SAP130: variants seen among roughly 807,000 people sequenced by gnomAD.
The protein encoded by SAP130 is Sin3A associated protein 130, also known as histone deacetylase complex subunit SAP130.
In SAP130, 16 loss-of-function variants were observed where a neutral mutation model predicts 103.2. The observed-to-expected ratio is 0.16, with a 90% CI of 0.10 to 0.24. SAP130 has a LOEUF of 0.24. Among genes scored for constraint, SAP130 ranks in the 10% least tolerant of loss-of-function variants. The probability of loss-of-function intolerance (pLI) is 1.00; values close to 1 mark genes in which losing one functional copy is unlikely to be tolerated. For missense variants in SAP130, 990 were observed against 1,359.7 expected (o/e 0.73, Z 4.28); for synonymous variants, 477 against 497.0 (o/e 0.96, Z 0.53).
chr2:127,941,957 CA>C lies in SAP130; in HGVS notation c.*48del. 1 of 356,798 alleles carries C rather than the reference CA, an allele frequency of 2.8e-6. No individual in the cohort carries two copies. The highest frequency in any genetic ancestry group is 2.1e-5 in the South Asian group (1 of 48,464). The allele number at this position is 356,798 out of a possible 1,614,324, so 22.1% of individuals were successfully genotyped here. A position where few individuals can be genotyped will look rare whatever the true frequency, so the allele number is the denominator to read the frequency against. On this transcript the variant is annotated 3_prime_UTR_variant, in exon 21 of 21. Transcript: ENST00000643581. ...AAAACCAAAACCCTCCCCCCACCCC[CA>C]CCATCATTCTTCATAAATTTGCTTC...
At chr2:127,977,771 A>G (rs1055461161) in intron 15 of SAP130, among the ~76,000 whole-genome samples, 3 of 152,144 alleles carry the variant, frequency 2.0e-5, no homozygotes, top group African/African-American at 7.2e-5. Context: ...CTATAGTCCC[A>G]GCTACTCAAG....
intron 19 of SAP130, among the ~76,000 whole-genome samples, chr2:127,944,039 C>T (rs1443007108): frequency 6.6e-6 from 1 of 151,952 alleles, no homozygotes; most frequent in Non-Finnish European, 1.5e-5. Flanking sequence ...ACTTTGTTTT[C>T]TTCCTTTTTT....
intron 12 of SAP130, among the ~76,000 whole-genome samples, chr2:127,991,180 G>A (rs1682771022): frequency 6.6e-6 from 1 of 151,800 alleles, no homozygotes; most frequent in Admixed American, 6.6e-5. Flanking sequence ...AAGCTGGGAG[G>A]TGGAGGTTGC....
At chr2:128,010,158 TAAA>T in intron 7 of SAP130, 108 bp downstream of exon 7, 1 of 965,672 alleles carries the variant, frequency 1.0e-6, no homozygotes, top group Non-Finnish European at 1.4e-6. Flanking sequence ...TAGCTCATTA[TAAA>T]AAAAAAAAGC....
At chr2:128,021,774 C>T (rs1685178967) in intron 2 of SAP130, among the ~76,000 whole-genome samples, 1 of 132,848 alleles carries the variant, frequency 7.5e-6, no homozygotes, top group South Asian at 2.3e-4. Context: ...TGCTCCTCTT[C>T]CTTACTCATT....
chr2:128,019,681 T>C (rs1685022280), intron 2 of SAP130, among the ~76,000 whole-genome samples: 3 of 151,850 alleles, frequency 2.0e-5, no homozygotes, highest in Non-Finnish European at 4.4e-5. Flanking sequence ...AGGTCAGGAG[T>C]TCGAGATCAG....
At chr2:127,999,933 A>G in intron 9 of SAP130, 88 bp from the exon 10 acceptor site, 1 of 1,438,310 alleles carries the variant, frequency 7.0e-7, no homozygotes, top group South Asian at 1.2e-5. Context: ...TCTCCTGGAA[A>G]AAGTTAAGAG....
chr2:127,958,282 C>T (rs114642707), intron 15 of SAP130, among the ~76,000 whole-genome samples: 4,232 of 152,244 alleles, frequency 0.028, 178 homozygotes, highest in African/African-American at 0.093. Flanking sequence ...GGCGCAGTGG[C>T]GAGCGCCTGT....
At position 127,941,861 on chromosome 2, in the gene SAP130, T is replaced by C; in HGVS notation, c.*145A>G. Reference sequence around the variant, plus strand: ...GCTCTGATCCTTTCACGCCCTTGGATGTCATGGGTTCCTCTGCTTTCACAC... The same window carrying C: ...GCTCTGATCCTTTCACGCCCTTGGACGTCATGGGTTCCTCTGCTTTCACAC... On this transcript the variant is annotated 3_prime_UTR_variant, in exon 21 of 21. Transcript: ENST00000643581. 1.4e-6 allele frequency: 1 copy of C among 740,736 alleles called. No individual in the cohort carries two copies. Among genetic ancestry groups the C allele is most frequent in the Non-Finnish European group, 2.2e-6 (1 of 448,276 alleles). The allele number at this position is 740,736 out of a possible 1,614,324, so 45.9% of individuals were successfully genotyped here. A position where few individuals can be genotyped will look rare whatever the true frequency, so the allele number is the denominator to read the frequency against.
Position 127,941,834 on chromosome 2 carries a change from C to T in SAP130, c.*172G>A. 1 of 625,344 alleles carries T rather than the reference C, an allele frequency of 1.6e-6. No homozygotes were observed. The highest frequency in any genetic ancestry group is 2.7e-6 in the Non-Finnish European group (1 of 365,424). 38.7% of individuals were successfully genotyped at this position (625,344 alleles called of 1,614,324 possible). ...AAGAAGGCAGCTCACTATGTCCAGT[C>T]AGCTCTGATCCTTTCACGCCCTTGG... On this transcript the variant is annotated 3_prime_UTR_variant, in exon 21 of 21. Transcript: ENST00000643581.
At position 128,000,448 on chromosome 2, in the gene SAP130, T is replaced by C. The variant is rs1239179845; in HGVS notation, c.876A>G (p.Pro292=). The change falls in exon 8 of 21, where the codon CCA becomes CCG. Residue 292 remains proline, a synonymous_variant. Coordinates refer to ENST00000643581, the MANE Select transcript of SAP130 (RefSeq NM_001330301.2). ...AHATDSALSR[P]TLSIQHPPSA... ...ATGGAGGATGCTGGATAGACAAGGT[T>C]GGCCTACTGAAAAGATAACAAAGAC... The C allele has an allele frequency of 6.2e-7, 1 of 1,614,130 alleles. No individual in the cohort carries two copies. The highest frequency in any genetic ancestry group is 8.5e-7 in the Non-Finnish European group (1 of 1,180,004).
Position 127,955,444 on chromosome 2 carries a change from G to T in SAP130, c.2064-100C>A. 1 of 740,640 alleles carries T rather than the reference G, an allele frequency of 1.4e-6. No individual in the cohort carries two copies. Among genetic ancestry groups the T allele is most frequent in the Non-Finnish European group, 2.2e-6 (1 of 457,260 alleles). The allele number at this position is 740,640 out of a possible 1,614,324, so 45.9% of individuals were successfully genotyped here. A position where few individuals can be genotyped will look rare whatever the true frequency, so the allele number is the denominator to read the frequency against. The stretch of plus-strand genomic sequence containing the variant: ...GTATTTGTCCAATTATTTCTGTCCA[G>T]CACACTGCACAATTTATACTCTATT... On this transcript the variant is annotated intron_variant, in intron 15 of 20. Transcript: ENST00000643581. This position sits in a 1 kb window ranked among gnomAD's most constrained non-coding sequence, Gnocchi z 4.9.
intron 15 of SAP130, among the ~76,000 whole-genome samples, chr2:127,970,640 T>C (rs138619240): frequency 3.5e-4 from 53 of 150,574 alleles, no homozygotes; most frequent in African/African-American, 1.3e-3. Context: ...CACTTGAGCC[T>C]AGATCACACC....
rs1559037548 is a variant in SAP130 at position 127,955,362 on chromosome 2, AGC to A, written c.2064-20_2064-19del. The A allele has an allele frequency of 6.6e-7, 1 of 1,509,044 alleles. No individual in the cohort carries two copies. The highest frequency in any genetic ancestry group is 2.3e-5 in the East Asian group (1 of 43,830). 93.5% of individuals were successfully genotyped at this position (1,509,044 alleles called of 1,614,324 possible). On this transcript the variant is annotated intron_variant, in intron 15 of 20. Transcript: ENST00000643581. The surrounding 1 kb of genome is among the most constrained non-coding windows in gnomAD (Gnocchi z 4.9). ...GTTTGGCACTAAAACACAAAAGAAA[AGC>A]ACATGTAGCAAATAAGAAAAAAACT... is the stretch of plus-strand genomic sequence containing the variant.
chr2:127,942,548 C>T lies in SAP130; in HGVS notation c.2902-11G>A. 2 of 1,484,824 alleles carry T rather than the reference C, an allele frequency of 1.3e-6. No individual in the cohort carries two copies. Among genetic ancestry groups the T allele is most frequent in the South Asian group, 1.1e-5 (1 of 88,220 alleles). 92.0% of individuals were successfully genotyped at this position (1,484,824 alleles called of 1,614,324 possible). Reference sequence around the variant, plus strand: ...ATGTTCTAGATTCGTCTGCAACACACAAAAGGGAGGGTATCATAAGCTCGG... The same window carrying T: ...ATGTTCTAGATTCGTCTGCAACACATAAAAGGGAGGGTATCATAAGCTCGG... On this transcript the variant is annotated splice_polypyrimidine_tract_variant and intron_variant, in intron 19 of 20. Coordinates refer to ENST00000643581, the MANE Select transcript of SAP130 (RefSeq NM_001330301.2). This position sits in a 1 kb window ranked among gnomAD's most constrained non-coding sequence, Gnocchi z 4.8.
Position 127,989,273 on chromosome 2 carries a change from G to T in SAP130, c.1780+291C>A, listed in dbSNP as rs1430690084. On this transcript the variant is annotated intron_variant, in intron 13 of 20. Coordinates refer to ENST00000643581, the MANE Select transcript of SAP130 (RefSeq NM_001330301.2). The surrounding 1 kb of genome is among the most constrained non-coding windows in gnomAD (Gnocchi z 4.6). ...GCCACCACGCCTGGCTAATTTTTTT[G>T]TATTTTTAGTAGACAGGGTTTTACC... is the stretch of plus-strand genomic sequence containing the variant. 2.0e-5 allele frequency among the ~76,000 whole-genome samples: 3 copies of T among 151,586 alleles called. No individual in the cohort carries two copies. Among genetic ancestry groups the T allele is most frequent in the African/African-American group, 4.9e-5 (2 of 41,222 alleles).
At position 127,986,816 on chromosome 2, in the gene SAP130, T is replaced by C. The variant is rs1682432119; in HGVS notation, c.1927A>G (p.Ser643Gly). Residue 643 changes from serine to glycine, a missense_variant, in exon 14 of 21, where the codon AGC becomes GGC. This residue lies in a region of SAP130 where 349 missense variants were observed against 384.1 expected (regional missense o/e 0.91). Transcript: ENST00000643581. This position sits in a 1 kb window ranked among gnomAD's most constrained non-coding sequence, Gnocchi z 4.7. ...APAQGSSPRPSILRKKPATDG... is the reference protein window; with the variant it reads ...APAQGSSPRPGILRKKPATDG... ...GTGGCAGGTTTCTTCCGGAGTATGC[T>C]TGGCCGTGGCGATGAGCCCTGGGCG... 5 of 1,614,178 alleles carry C rather than the reference T, an allele frequency of 3.1e-6. No individual in the cohort carries two copies. The highest frequency in any genetic ancestry group is 2.2e-5 in the South Asian group (2 of 91,074).
chr2:128,014,006 A>G (rs1684582236), intron 5 of SAP130, among the ~76,000 whole-genome samples: 1 of 152,232 alleles, frequency 6.6e-6, no homozygotes, highest in South Asian at 2.1e-4. Context: ...TGACTTATGT[A>G]TTAAAAATAA....
At chr2:128,026,394 T>C in intron 1 of SAP130, 96 bp from the exon 2 acceptor site, 1 of 797,080 alleles carries the variant, frequency 1.3e-6, no homozygotes, top group East Asian at 2.5e-5. Context: ...AGATAGTCCC[T>C]TGGAAAAGCA....
Sources: gnomAD v4.1 joint callset for allele counts (sites outside exome capture counted in the v4.1 genomes callset) on GRCh38, gnomAD v4.1.1 for gene constraint, gnomAD v4.1.1 regional missense constraint, Gnocchi (gnomAD v3.1) non-coding constraint, MANE v1.5 for transcripts, NCBI Gene and HGNC (gene_info 2026-07-23, HGNC 2026-07-21) for gene names.